MYO18B: variants seen among roughly 807,000 people sequenced by gnomAD.
MYO18B encodes the protein myosin XVIIIB.
MYO18B carries 204 observed loss-of-function variants against 273.0 expected under a neutral mutation model. The ratio of observed to expected loss-of-function variants is 0.75; its 90% CI spans 0.67 to 0.84. MYO18B has a LOEUF of 0.84. MYO18B is among the 40% of genes least tolerant of loss of function. MYO18B has a pLI of 0.00. For synonymous variants in MYO18B, 1,330 were observed against 1,305.7 expected (o/e 1.02, Z -0.40); for missense variants, 3,212 against 3,287.6 (o/e 0.98, Z 0.56).
chr22:25,753,036 C>T lies in MYO18B; in HGVS notation c.-109-7948C>T, dbSNP rs565862471. On this transcript the variant is annotated intron_variant, in intron 1 of 43. Coordinates refer to ENST00000335473, the MANE Select transcript of MYO18B (RefSeq NM_032608.7). ...TTCTCACCGTGCCTCAGCCGCCTCC[C>T]CGCGGGGCAGGGCTCAGGACCTGCA... 4.3e-3 allele frequency among the ~76,000 whole-genome samples: 656 copies of T among 152,328 alleles called. 6 individuals are homozygous for T. The highest frequency in any genetic ancestry group is 6.7e-3 in the Non-Finnish European group (453 of 68,018).
chr22:25,898,203 G>A (rs978249283), intron 28 of MYO18B, 104 bp from the exon 29 acceptor site: 4 of 1,343,966 alleles, frequency 3.0e-6, no homozygotes, highest in Non-Finnish European at 4.0e-6. Flanking sequence ...AGCATCTGCT[G>A]TTTTCTCATT....
the MYO18B span, among the ~76,000 whole-genome samples, chr22:26,039,023 T>C: frequency 1.3e-5 from 2 of 152,292 alleles, no homozygotes; most frequent in African/African-American, 4.8e-5. Flanking sequence ...TTAATATCTC[T>C]TGGAGTCTGA....
In MYO18B at chr22:25,824,306, C is replaced by T. The variant is rs148258723; in HGVS notation, c.2695+628C>T. On this transcript the variant is annotated intron_variant, in intron 13 of 43. Coordinates refer to ENST00000335473, the MANE Select transcript of MYO18B (RefSeq NM_032608.7). ...TGGTGGTCGGAAGTGCTAGTGGAGA[C>T]GGGGCGAGGTGGACAGATTCAGGGG... Among the ~76,000 whole-genome samples the T allele has an allele frequency of 3.9e-3, 589 of 152,020 alleles. 3 individuals carry two copies. Among genetic ancestry groups the T allele is most frequent in the African/African-American group, 0.013 (540 of 41,438 alleles).
At chr22:25,755,228 CAG>C (rs370210441) in intron 1 of MYO18B, among the ~76,000 whole-genome samples, 71 of 151,708 alleles carry the variant, frequency 4.7e-4, no homozygotes, top group Middle Eastern at 3.4e-3. Flanking sequence ...TTTTTTGAGA[CAG>C]AGTTTCACTC....
chr22:25,833,847 T>A (rs1382195505), intron 16 of MYO18B, among the ~76,000 whole-genome samples: 2 of 152,210 alleles, frequency 1.3e-5, no homozygotes, highest in African/African-American at 4.8e-5. Flanking sequence ...AGGCTGCCCC[T>A]CCCCTTTTCT....
intron 11 of MYO18B, among the ~76,000 whole-genome samples, chr22:25,786,101 T>C (rs1270586856): frequency 6.6e-6 from 1 of 152,222 alleles, no homozygotes; most frequent in East Asian, 1.9e-4. Flanking sequence ...AACCATTGTT[T>C]TCTCCCTTCT....
intron 10 of MYO18B, among the ~76,000 whole-genome samples, chr22:25,783,409 G>T (rs894672201): frequency 2.6e-5 from 4 of 152,256 alleles, no homozygotes. Context: ...GAAGGAGTAG[G>T]TAGGTGGGCC....
chr22:25,971,475 TGA>T (rs1254889824), intron 39 of MYO18B, among the ~76,000 whole-genome samples: 1 of 152,174 alleles, frequency 6.6e-6, no homozygotes, highest in Non-Finnish European at 1.5e-5. Flanking sequence ...CCAAAAAACA[TGA>T]GAGAGTGAAA....
At chr22:25,989,659 G>A (rs1448556031) in intron 39 of MYO18B, among the ~76,000 whole-genome samples, 1 of 145,296 alleles carries the variant, frequency 6.9e-6, no homozygotes, top group Non-Finnish European at 1.5e-5. Context: ...AAAAGCCAGC[G>A]TGGTGGCAGG....
chr22:25,865,283 A>G (rs2090853795), intron 21 of MYO18B, among the ~76,000 whole-genome samples: 1 of 152,210 alleles, frequency 6.6e-6, no homozygotes, highest in African/African-American at 2.4e-5. Context: ...GCTTTGTTGT[A>G]TGTAAAATGA....
chr22:25,788,137 G>T (rs1239998345), intron 11 of MYO18B, among the ~76,000 whole-genome samples: 1 of 152,214 alleles, frequency 6.6e-6, no homozygotes, highest in Non-Finnish European at 1.5e-5. Context: ...TGATTTGCAG[G>T]AACTGGTAGG....
chr22:25,956,306 C>G (rs1185475097), intron 39 of MYO18B, among the ~76,000 whole-genome samples: 1 of 151,704 alleles, frequency 6.6e-6, no homozygotes, highest in Non-Finnish European at 1.5e-5. Flanking sequence ...ATCTCCATCT[C>G]CCAGGTTCAA....
chr22:26,034,749 C>T (rs1936746553), downstream of MYO18B, among the ~76,000 whole-genome samples: 2 of 152,120 alleles, frequency 1.3e-5, no homozygotes, highest in Non-Finnish European at 1.5e-5. Flanking sequence ...TTGAAAGAAC[C>T]CTAGACCATA....
chr22:26,049,865 G>T, the MYO18B span, among the ~76,000 whole-genome samples: 1 of 152,202 alleles, frequency 6.6e-6, no homozygotes, highest in Non-Finnish European at 1.5e-5. Flanking sequence ...TGTATGCTAA[G>T]TGCTGGACAC....
chr22:25,997,745 C>A (rs1933447040), intron 40 of MYO18B, among the ~76,000 whole-genome samples: 1 of 152,048 alleles, frequency 6.6e-6, no homozygotes, highest in East Asian at 1.9e-4. Flanking sequence ...CATAGCAGAA[C>A]CCCCAGCTCC....
intron 11 of MYO18B, among the ~76,000 whole-genome samples, chr22:25,791,207 GGGA>G (rs945797776): frequency 6.6e-6 from 1 of 152,158 alleles, no homozygotes; most frequent in African/African-American, 2.4e-5. Context: ...AGGCCAAGCT[GGGA>G]GGAGGAGAGG....
intron 11 of MYO18B, among the ~76,000 whole-genome samples, chr22:25,797,506 G>A (rs1027566041): frequency 6.6e-6 from 1 of 151,986 alleles, no homozygotes; most frequent in Non-Finnish European, 1.5e-5. Context: ...CTACCTCTAG[G>A]CCCTACCTAT....
At chr22:25,910,247 G>A (rs1236655556) in intron 32 of MYO18B, among the ~76,000 whole-genome samples, 1 of 152,168 alleles carries the variant, frequency 6.6e-6, no homozygotes, top group African/African-American at 2.4e-5. Flanking sequence ...TGAGATCAAG[G>A]TGCTGGCAGA....
At chr22:26,025,090 A>G (rs1246238506) in intron 42 of MYO18B, among the ~76,000 whole-genome samples, 1 of 152,164 alleles carries the variant, frequency 6.6e-6, no homozygotes, top group East Asian at 1.9e-4. Context: ...CCACCTCCTA[A>G]TATCATCATA....
Sources: gnomAD v4.1 joint callset for allele counts (sites outside exome capture counted in the v4.1 genomes callset) on GRCh38, gnomAD v4.1.1 for gene constraint, MANE v1.5 for transcripts, NCBI Gene and HGNC (gene_info 2026-07-23, HGNC 2026-07-21) for gene names.